APBB2: variants seen among roughly 807,000 people sequenced by gnomAD.
APBB2 encodes Fe65-like 1.
A neutral mutation model predicts 82.5 loss-of-function variants in APBB2; 38 were observed. The observed-to-expected ratio is 0.46, with a 90% CI of 0.36 to 0.60. APBB2 has a LOEUF of 0.60. Ranked by LOEUF, APBB2 falls within the 20% of genes least tolerant of loss-of-function variation. The pLI, the probability that APBB2 is intolerant of heterozygous loss-of-function variation, is 0.00. For synonymous variants in APBB2, 341 were observed against 368.2 expected, an observed-to-expected ratio of 0.93 and a Z score of 0.85; for missense variants, 772 against 972.3, an observed-to-expected ratio of 0.79 and a Z score of 2.74.
intron 10 of APBB2, among the ~76,000 whole-genome samples, chr4:40,918,341 G>A (rs1342816616): frequency 6.6e-6 from 1 of 152,226 alleles, no homozygotes; most frequent in Non-Finnish European, 1.5e-5. Flanking sequence ...TGCAGGCAAT[G>A]CCACACCAAC....
At chr4:41,090,991 T>C (rs921158982) in intron 3 of APBB2, among the ~76,000 whole-genome samples, 1 of 152,144 alleles carries the variant, frequency 6.6e-6, no homozygotes, top group Non-Finnish European at 1.5e-5. Context: ...ACTGCAATAG[T>C]CTGTAAGTGT....
intron 15 of APBB2, among the ~76,000 whole-genome samples, chr4:40,824,576 C>T (rs1055339742): frequency 6.6e-6 from 1 of 152,146 alleles, no homozygotes; most frequent in South Asian, 2.1e-4. Context: ...TAGCCTCAGC[C>T]TCCCAGGCTC....
chr4:40,838,628 C>T (rs928786763), intron 12 of APBB2, among the ~76,000 whole-genome samples: 3 of 152,202 alleles, frequency 2.0e-5, no homozygotes, highest in Non-Finnish European at 2.9e-5. Context: ...AGCCACGCGC[C>T]TTGCCAATTT....
intron 10 of APBB2, among the ~76,000 whole-genome samples, chr4:40,894,281 C>T (rs951843134): frequency 6.6e-6 from 1 of 151,036 alleles, no homozygotes; most frequent in African/African-American, 2.4e-5. Context: ...CAGAACGAGA[C>T]TCCGTCTCAA....
At chr4:41,157,023 G>A (rs578195298) in intron 1 of APBB2, among the ~76,000 whole-genome samples, 4 of 145,604 alleles carry the variant, frequency 2.7e-5, no homozygotes, top group African/African-American at 7.8e-5. Flanking sequence ...CCAAGATCAC[G>A]CCACTGCACT....
Position 41,181,150 on chromosome 4 carries a change from C to T in APBB2, c.-417+33255G>A, listed in dbSNP as rs147194745. On this transcript the variant is annotated intron_variant, in intron 1 of 17. Coordinates refer to ENST00000508593, the MANE Select transcript of APBB2 (RefSeq NM_004307.2). The stretch of plus-strand genomic sequence containing the variant: ...TGAAATTGCACAGGTTTTCTGAAAG[C>T]TTAAGTTCACACCTTCACCCACATT... Among the ~76,000 whole-genome samples, 888 of 152,254 alleles carry T rather than the reference C, an allele frequency of 5.8e-3. 7 individuals are homozygous for T. The highest frequency in any genetic ancestry group is 0.02 in the African/African-American group (829 of 41,540).
chr4:41,137,985 G>A (rs13143659), intron 2 of APBB2: 41,373 of 151,844 alleles, frequency 0.27, 5,912 homozygotes, highest in Middle Eastern at 0.37. Flanking sequence ...TAGCTAACAC[G>A]GTAAAACCCC....
At chr4:40,907,348 C>CAT (rs56302731) in intron 10 of APBB2, among the ~76,000 whole-genome samples, 1,287 of 97,024 alleles carry the variant, frequency 0.013, 9 homozygotes, top group Non-Finnish European at 0.02. Flanking sequence ...TAATATATTA[C>CAT]ATATATATAT....
intron 17 of APBB2, among the ~76,000 whole-genome samples, chr4:40,820,979 C>A (rs1463585657): frequency 6.6e-6 from 1 of 152,252 alleles, no homozygotes; most frequent in Admixed American, 6.5e-5. Flanking sequence ...AGTGATTCTC[C>A]TGCCTCAGCC....
At chr4:41,071,656 G>A (rs1733932382) in intron 3 of APBB2, among the ~76,000 whole-genome samples, 1 of 152,062 alleles carries the variant, frequency 6.6e-6, no homozygotes, top group South Asian at 2.1e-4. Flanking sequence ...ACTCCAGCCT[G>A]GGTGACAGAG....
intron 2 of APBB2, among the ~76,000 whole-genome samples, chr4:41,121,499 G>A (rs1268099609): frequency 2.0e-5 from 3 of 152,236 alleles, no homozygotes; most frequent in Non-Finnish European, 4.4e-5. Flanking sequence ...TCTGTGGTGT[G>A]GCTGGTGGTG....
At chr4:41,054,375 G>T (rs1309052336) in intron 4 of APBB2, among the ~76,000 whole-genome samples, 1 of 151,848 alleles carries the variant, frequency 6.6e-6, no homozygotes, top group South Asian at 2.1e-4. Context: ...GAAAATCAGG[G>T]TTCAGGACTG....
In APBB2 at chr4:41,059,506, T is replaced by C. The variant is rs59707758; in HGVS notation, c.-51+6070A>G. On this transcript the variant is annotated intron_variant, in intron 4 of 17. Coordinates refer to ENST00000508593, the MANE Select transcript of APBB2 (RefSeq NM_004307.2). Reference sequence around the variant, plus strand: ...TGGCCCTAACGCCCAAGCTGGAAGGTTGTGGGTTTACGCGAATGAGGGCAA... The same window carrying C: ...TGGCCCTAACGCCCAAGCTGGAAGGCTGTGGGTTTACGCGAATGAGGGCAA... Among the ~76,000 whole-genome samples the C allele has an allele frequency of 3.3e-5, 5 of 152,308 alleles. No individual in the cohort carries two copies. In the East Asian group the frequency reaches 9.7e-4, roughly 29 times the overall value.
chr4:40,846,815 TGAG>T (rs1026250443), intron 12 of APBB2, among the ~76,000 whole-genome samples: 6 of 152,038 alleles, frequency 3.9e-5, no homozygotes, highest in Admixed American at 6.6e-5. Context: ...TGCTTACTAA[TGAG>T]GAGGAGGGAA....
chr4:41,081,368 T>A (rs770311045), intron 3 of APBB2, among the ~76,000 whole-genome samples: 4 of 152,126 alleles, frequency 2.6e-5, no homozygotes, highest in Non-Finnish European at 4.4e-5. Context: ...CTATTCAGGT[T>A]TCAGAAATGG....
intron 3 of APBB2, among the ~76,000 whole-genome samples, chr4:41,098,551 A>G (rs1176206873): frequency 6.6e-6 from 1 of 152,182 alleles, no homozygotes; most frequent in Non-Finnish European, 1.5e-5. Flanking sequence ...GGCTGTCTTT[A>G]GCTTACTGTA....
chr4:41,077,409 G>A (rs1228329791), intron 3 of APBB2, among the ~76,000 whole-genome samples: 1 of 151,954 alleles, frequency 6.6e-6, no homozygotes, highest in Non-Finnish European at 1.5e-5. Flanking sequence ...TCTTCACAAT[G>A]AATGAAAAAG....
chr4:40,942,069 T>C (rs979507792), intron 7 of APBB2, among the ~76,000 whole-genome samples: 2 of 152,238 alleles, frequency 1.3e-5, no homozygotes, highest in African/African-American at 4.8e-5. Context: ...GCTAAGTCTT[T>C]TCCCCAGTTC....
intron 2 of APBB2, among the ~76,000 whole-genome samples, chr4:41,141,449 G>A (rs974252534): frequency 6.6e-6 from 1 of 152,026 alleles, no homozygotes; most frequent in African/African-American, 2.4e-5. Context: ...CCATCTCCCT[G>A]CTTTGATTTA....
Sources: allele counts gnomAD v4.1 joint callset (sites outside exome capture counted in the v4.1 genomes callset), GRCh38; gene constraint gnomAD v4.1.1; transcripts MANE v1.5; gene names NCBI Gene and HGNC (gene_info 2026-07-23, HGNC 2026-07-21).